Variants in CLIC4 observed in about 807,000 individuals in gnomAD.
CLIC4 encodes the protein chloride intracellular channel protein 4.
CLIC4 carries 13 observed loss-of-function variants against 24.6 expected under a neutral mutation model. That is an observed-to-expected ratio of 0.53 (90% confidence interval 0.34 to 0.84). The LOEUF is 0.84. CLIC4 is among the 40% of genes least tolerant of loss of function. CLIC4 has a pLI of 0.01. For missense variants in CLIC4, 227 were observed against 301.7 expected (o/e 0.75, Z 1.83); for synonymous variants, 104 against 111.3 (o/e 0.93, Z 0.41).
At chr1:24,754,567 A>G (rs1416391632) in intron 1 of CLIC4, among the ~76,000 whole-genome samples, 1 of 152,116 alleles carries the variant, frequency 6.6e-6, no homozygotes, top group Non-Finnish European at 1.5e-5. Flanking sequence ...CCTGTTTTAG[A>G]CGCTTGCATA....
At chr1:24,783,687 A>C (rs1639233012) in intron 1 of CLIC4, among the ~76,000 whole-genome samples, 2 of 152,206 alleles carry the variant, frequency 1.3e-5, no homozygotes, top group Admixed American at 1.3e-4. Flanking sequence ...TGGGCGACAG[A>C]GCAAGAGTCT....
chr1:24,840,697 C>T, intron 5 of CLIC4, 76 bp from the exon 6 acceptor site: 8 of 1,229,600 alleles, frequency 6.5e-6, no homozygotes, highest in Non-Finnish European at 9.0e-6. Context: ...TAATTATTTG[C>T]TCCAAAATCA....
intron 3 of CLIC4, among the ~76,000 whole-genome samples, chr1:24,816,234 G>GTTTTTTT (rs71752506): frequency 4.8e-5 from 3 of 62,144 alleles, no homozygotes; most frequent in East Asian, 6.4e-4. Flanking sequence ...GAATGTTCGT[G>GTTTTTTT]TTTTTTTTTT....
chr1:24,799,598 TG>T (rs567984176), intron 2 of CLIC4, among the ~76,000 whole-genome samples: 7 of 116,522 alleles, frequency 6.0e-5, no homozygotes, highest in Non-Finnish European at 1.1e-4. Context: ...GGGAGGGAGG[TG>T]GGGGGGTCAG....
chr1:24,758,629 G>C (rs1638882594), intron 1 of CLIC4, among the ~76,000 whole-genome samples: 1 of 151,956 alleles, frequency 6.6e-6, no homozygotes, highest in African/African-American at 2.4e-5. Context: ...GCTTATTTTT[G>C]TATTTTTAGT....
At chr1:24,752,732 A>AT (rs552928840) in intron 1 of CLIC4, among the ~76,000 whole-genome samples, 25 of 151,340 alleles carry the variant, frequency 1.7e-4, no homozygotes, top group Non-Finnish European at 3.0e-4. Context: ...TATTATTATT[A>AT]TTTTTTTTTG....
intron 3 of CLIC4, among the ~76,000 whole-genome samples, chr1:24,817,276 CTAGA>C (rs1180691637): frequency 2.0e-5 from 3 of 152,200 alleles, no homozygotes; most frequent in Non-Finnish European, 2.9e-5. Context: ...GCTAGATCTT[CTAGA>C]TAGATCAGCT....
chr1:24,775,414 A>G (rs773174021), intron 1 of CLIC4, among the ~76,000 whole-genome samples: 8 of 151,554 alleles, frequency 5.3e-5, no homozygotes, highest in Non-Finnish European at 1.2e-4. Flanking sequence ...ACTCTAAAAT[A>G]TAAATGTTTT....
At chr1:24,815,997 C>G (rs756802967) in intron 3 of CLIC4, among the ~76,000 whole-genome samples, 2 of 152,126 alleles carry the variant, frequency 1.3e-5, no homozygotes, top group African/African-American at 2.4e-5. Context: ...CTTTGCTCAT[C>G]ATAAGAAGCA....
chr1:24,821,186 A>G (rs1355587475), intron 3 of CLIC4, among the ~76,000 whole-genome samples: 2 of 142,426 alleles, frequency 1.4e-5, no homozygotes, highest in East Asian at 4.3e-4. Flanking sequence ...CCCTGTCTCA[A>G]AAAAGAAGAA....
intron 2 of CLIC4, among the ~76,000 whole-genome samples, chr1:24,799,414 A>G (rs572348768): frequency 5.5e-5 from 8 of 146,038 alleles, no homozygotes; most frequent in Non-Finnish European, 9.0e-5. Flanking sequence ...CTGCCTGGCA[A>G]CCACCCCGTC....
At chr1:24,786,713 G>A (rs1639271444) in intron 1 of CLIC4, among the ~76,000 whole-genome samples, 1 of 151,980 alleles carries the variant, frequency 6.6e-6, no homozygotes, top group South Asian at 2.1e-4. Flanking sequence ...TGCCTCCCAG[G>A]TTCACGCCAT....
chr1:24,788,771 T>C (rs1230180632), intron 1 of CLIC4, among the ~76,000 whole-genome samples: 1 of 152,216 alleles, frequency 6.6e-6, no homozygotes, highest in Non-Finnish European at 1.5e-5. Context: ...CCTATATTCC[T>C]GACTTGGAGC....
intron 4 of CLIC4, among the ~76,000 whole-genome samples, chr1:24,830,454 G>GT (rs879857361): frequency 0.015 from 2,121 of 145,922 alleles, 10 homozygotes; most frequent in African/African-American, 0.026. Flanking sequence ...ATTGTCTCAA[G>GT]TTTTTTTTTT....
intron 3 of CLIC4, among the ~76,000 whole-genome samples, chr1:24,820,362 C>A (rs1259833689): frequency 7.2e-6 from 1 of 139,690 alleles, no homozygotes; most frequent in Non-Finnish European, 1.5e-5. Context: ...ACAGCCTCGA[C>A]CTCCTGGGCT....
In CLIC4 at chr1:24,751,432, G is replaced by C. The variant is rs898792510; in HGVS notation, c.72+5807G>C. ...TAATTTGTATTTGTAGTAGAGACGG[G>C]GTTTCACTATGTTGGCCAGGCTGGT... is the stretch of plus-strand genomic sequence containing the variant. On this transcript the variant is annotated intron_variant, in intron 1 of 5. Transcript: ENST00000374379. 1.7e-4 allele frequency among the ~76,000 whole-genome samples: 26 copies of C among 151,812 alleles called. 1 individual carries two copies. The highest frequency in any genetic ancestry group is 7.9e-4 in the Admixed American group (12 of 15,204).
At chr1:24,788,499 A>T (rs1639298389) in intron 1 of CLIC4, among the ~76,000 whole-genome samples, 1 of 152,140 alleles carries the variant, frequency 6.6e-6, no homozygotes, top group African/African-American at 2.4e-5. Context: ...TCCTCTGTGG[A>T]TGTAGAAGTC....
At chr1:24,761,599 A>G (rs1014461966) in intron 1 of CLIC4, among the ~76,000 whole-genome samples, 8 of 152,162 alleles carry the variant, frequency 5.3e-5, no homozygotes, top group African/African-American at 1.9e-4. Flanking sequence ...TTTTGTCCTT[A>G]GTAGAAATGG....
intron 1 of CLIC4, among the ~76,000 whole-genome samples, chr1:24,747,465 C>G (rs1638714598): frequency 7.1e-6 from 1 of 140,924 alleles, no homozygotes; most frequent in South Asian, 2.2e-4. Context: ...ACCCGGGAGG[C>G]AGAGGTTGTG....
Sources: gnomAD v4.1 joint callset for allele counts (sites outside exome capture counted in the v4.1 genomes callset) on GRCh38, gnomAD v4.1.1 for gene constraint, MANE v1.5 for transcripts, NCBI Gene and HGNC (gene_info 2026-07-23, HGNC 2026-07-21) for gene names.